The following ATF7IP2 variants were observed in gnomAD, a reference collection of about 807,000 sequenced individuals.
The protein encoded by ATF7IP2 is activating transcription factor 7-interacting protein 2.
A neutral mutation model predicts 64.2 loss-of-function variants in ATF7IP2; 42 were observed. The ratio of observed to expected loss-of-function variants is 0.65; its 90% CI spans 0.51 to 0.85. ATF7IP2 has a LOEUF of 0.85. Among genes scored for constraint, ATF7IP2 ranks in the 40% least tolerant of loss-of-function variants. The pLI is 0.00. For missense variants in ATF7IP2, 933 were observed against 784.2 expected, an observed-to-expected ratio of 1.19 and a Z score of -2.27; for synonymous variants, 308 against 272.8, an observed-to-expected ratio of 1.13 and a Z score of -1.27.
intron 1 of ATF7IP2, among the ~76,000 whole-genome samples, chr16:10,401,727 C>G (rs2047539334): frequency 6.8e-6 from 1 of 146,504 alleles, no homozygotes; most frequent in African/African-American, 2.5e-5. Context: ...GTGAATCCAT[C>G]TGGTTATGGG....
chr16:10,393,521 A>T (rs1215337424), intron 1 of ATF7IP2, among the ~76,000 whole-genome samples: 1 of 152,158 alleles, frequency 6.6e-6, no homozygotes, highest in East Asian at 1.9e-4. Context: ...ATATAAAGCC[A>T]TGAGAAATTC....
chr16:10,386,245 G>T (rs766846817), intron 1 of ATF7IP2, 123 bp downstream of exon 1: 4 of 152,234 alleles, frequency 2.6e-5, no homozygotes, highest in Non-Finnish European at 5.9e-5. Context: ...CCTACCGGAC[G>T]TTTGCGGCGA....
intron 1 of ATF7IP2, among the ~76,000 whole-genome samples, chr16:10,404,048 G>A (rs2047586152): frequency 6.6e-6 from 1 of 152,136 alleles, no homozygotes; most frequent in African/African-American, 2.4e-5. Flanking sequence ...CCCTAGTCTA[G>A]CAAAAGATTC....
chr16:10,395,082 A>C (rs905008273), intron 1 of ATF7IP2, among the ~76,000 whole-genome samples: 7 of 152,138 alleles, frequency 4.6e-5, no homozygotes, highest in Admixed American at 6.5e-5. Context: ...TAAACTGAGC[A>C]CAAAAAAGGG....
At chr16:10,463,956 A>G (rs931618276) in intron 9 of ATF7IP2, among the ~76,000 whole-genome samples, 4 of 152,072 alleles carry the variant, frequency 2.6e-5, no homozygotes, top group African/African-American at 9.7e-5. Flanking sequence ...TGGCTCCTCA[A>G]TACCAGCCCT....
Position 10,480,859 on chromosome 16 carries a change from A to C in ATF7IP2, c.1550-20A>C. 6.5e-7 allele frequency: 1 copy of C among 1,540,630 alleles called. No homozygotes were observed. The highest frequency in any genetic ancestry group is 9.0e-7 in the Non-Finnish European group (1 of 1,113,328). ...TTATTGCAGATAAGATTTACTTCTT[A>C]AACCTTGTGTTGTTCACAGAAAGTC... On this transcript the variant is annotated intron_variant, in intron 12 of 13. Transcript: ENST00000562102.
intron 1 of ATF7IP2, chr16:10,386,522 T>C (rs1351408122): frequency 6.6e-6 from 1 of 152,162 alleles, no homozygotes; most frequent in East Asian, 1.9e-4. Context: ...TCCACCAATT[T>C]TAGTGTCCCA....
At chr16:10,414,459 A>C (rs1158444201) in intron 1 of ATF7IP2, 115 bp from the exon 2 acceptor site, 1 of 151,870 alleles carries the variant, frequency 6.6e-6, no homozygotes, top group East Asian at 1.9e-4. Context: ...TATTTCACTG[A>C]AGATTTCTCC....
At chr16:10,474,983 A>G (rs944888081) in intron 12 of ATF7IP2, among the ~76,000 whole-genome samples, 1 of 152,214 alleles carries the variant, frequency 6.6e-6, no homozygotes, top group Admixed American at 6.5e-5. Context: ...GCAGTTTGAG[A>G]CCAGCCTAGG....
chr16:10,463,312 G>A (rs1344992759), intron 9 of ATF7IP2, among the ~76,000 whole-genome samples: 2 of 152,174 alleles, frequency 1.3e-5, no homozygotes, highest in South Asian at 2.1e-4. Flanking sequence ...TTTTAAATAT[G>A]TCCACAAATT....
At chr16:10,423,677 C>T (rs538537410) in intron 3 of ATF7IP2, among the ~76,000 whole-genome samples, 55 of 152,272 alleles carry the variant, frequency 3.6e-4, no homozygotes, top group Admixed American at 7.8e-4. Flanking sequence ...ACAAACCTCT[C>T]CCTCCTTTGC....
intron 2 of ATF7IP2, among the ~76,000 whole-genome samples, chr16:10,418,247 C>T (rs571478129): frequency 6.6e-6 from 1 of 152,212 alleles, no homozygotes; most frequent in Non-Finnish European, 1.5e-5. Flanking sequence ...ACGCCTTAAG[C>T]GGTTTTCCAC....
intron 1 of ATF7IP2, among the ~76,000 whole-genome samples, chr16:10,403,932 C>G (rs953841223): frequency 6.6e-6 from 1 of 151,992 alleles, no homozygotes; most frequent in Admixed American, 6.6e-5. Context: ...TTGAAACATA[C>G]GAGACTACAT....
At chr16:10,475,722 G>GAAAAAAAAAAAAAAAAAAAAAAAAAAAAA (rs386384218) in intron 12 of ATF7IP2, among the ~76,000 whole-genome samples, 1 of 41,644 alleles carries the variant, frequency 2.4e-5, no homozygotes, top group Non-Finnish European at 4.0e-5. Context: ...TAAGAAGCCA[G>GAAAAAAAAAAAAAAAAAAAAAAAAAAAAA]AAAAAAAAAA....
chr16:10,397,438 A>C (rs971216917), intron 1 of ATF7IP2, among the ~76,000 whole-genome samples: 11 of 152,224 alleles, frequency 7.2e-5, no homozygotes, highest in African/African-American at 2.7e-4. Flanking sequence ...TAGTCATTTT[A>C]GCAGTATTAA....
At chr16:10,445,840 T>C (rs531622545) in intron 8 of ATF7IP2, 2 of 152,372 alleles carry the variant, frequency 1.3e-5, no homozygotes, top group East Asian at 3.9e-4. Flanking sequence ...TGATTAACTC[T>C]TTGTGAACTA....
intron 10 of ATF7IP2, among the ~76,000 whole-genome samples, 169 bp from the exon 11 acceptor site, chr16:10,473,310 T>A (rs556548187): frequency 1.3e-5 from 2 of 152,336 alleles, no homozygotes; most frequent in East Asian, 1.9e-4. Flanking sequence ...TACATTTTTT[T>A]AAAAAAATTT....
At chr16:10,474,102 A>T in intron 12 of ATF7IP2, 113 bp downstream of exon 12, 3 of 688,680 alleles carry the variant, frequency 4.4e-6, no homozygotes, top group Non-Finnish European at 4.9e-6. Context: ...GCCTATGTTT[A>T]TATCTCTGTG....
At position 10,472,169 on chromosome 16, in the gene ATF7IP2, C is replaced by T. The variant is rs766893851; in HGVS notation, c.1412C>T (p.Thr471Ile). The stretch of plus-strand genomic sequence containing the variant: ...AGTCCTAATTTGACAACTCCAATTA[C>T]ATCAAATCCAACAGGTATCTTATAG... ...VESPNLTTPI[T>I]SNPTDTRKIT... Residue 471 changes from threonine to isoleucine, a missense_variant, in exon 10 of 14, where the codon ACA becomes ATA. Physicochemically the swap from Thr to Ile is moderately conservative, Grantham distance 89. Transcript: ENST00000562102. 3.2e-6 allele frequency: 5 copies of T among 1,557,260 alleles called. No individual in the cohort carries two copies. Among genetic ancestry groups the T allele is most frequent in the Non-Finnish European group, 1.8e-6 (2 of 1,137,896 alleles).
Sources: gnomAD v4.1 joint callset for allele counts (sites outside exome capture counted in the v4.1 genomes callset) on GRCh38, gnomAD v4.1.1 for gene constraint, MANE v1.5 for transcripts, NCBI Gene and HGNC (gene_info 2026-07-23, HGNC 2026-07-21) for gene names.